IL1RAP: variants seen among roughly 807,000 people sequenced by gnomAD.
The protein encoded by IL1RAP is interleukin-1 receptor accessory protein.
Under a neutral mutation model 60.7 loss-of-function variants are expected in IL1RAP, and 35 were observed. The ratio of observed to expected loss-of-function variants is 0.58; its 90% CI spans 0.44 to 0.76. The LOEUF (loss-of-function observed/expected upper bound fraction) is 0.76, where lower values mean the gene tolerates loss of function less well. IL1RAP is among the 30% of genes least tolerant of loss of function. The pLI, the probability that IL1RAP is intolerant of heterozygous loss-of-function variation, is 0.00. For synonymous variants in IL1RAP, 268 were observed against 250.9 expected (o/e 1.07, Z -0.64); for missense variants, 572 against 693.9 (o/e 0.82, Z 1.97).
At chr3:190,521,003 G>A (rs796476487) in intron 1 of IL1RAP, among the ~76,000 whole-genome samples, 20 of 152,224 alleles carry the variant, frequency 1.3e-4, no homozygotes, top group African/African-American at 4.8e-4. Flanking sequence ...GAATTATTTG[G>A]TCTATCTTTG....
At chr3:190,556,292 G>A (rs1725423610) in intron 2 of IL1RAP, 76 bp downstream of exon 2, 1 of 151,720 alleles carries the variant, frequency 6.6e-6, no homozygotes, top group Non-Finnish European at 1.5e-5. Flanking sequence ...TACCCCTTCA[G>A]TTTCTTTCAA....
intron 7 of IL1RAP, among the ~76,000 whole-genome samples, chr3:190,624,183 C>A (rs145783418): frequency 6.6e-6 from 1 of 152,208 alleles, no homozygotes; most frequent in East Asian, 1.9e-4. Flanking sequence ...GCATCCCATG[C>A]GGGAACCATA....
chr3:190,554,489 C>T (rs1035182567), intron 1 of IL1RAP: 1 of 152,204 alleles, frequency 6.6e-6, no homozygotes, highest in African/African-American at 2.4e-5. Flanking sequence ...CTCAAAATAA[C>T]TTTGCTTAAT....
chr3:190,621,174 T>C (rs1232274532), intron 6 of IL1RAP, among the ~76,000 whole-genome samples: 1 of 152,186 alleles, frequency 6.6e-6, no homozygotes, highest in Non-Finnish European at 1.5e-5. Flanking sequence ...TACCCCATCT[T>C]TTAATAGATG....
rs183428240 is a variant in IL1RAP at position 190,543,553 on chromosome 3, C to T, written c.-88-12577C>T. Among the ~76,000 whole-genome samples the T allele has an allele frequency of 8.1e-4, 123 of 152,254 alleles. 1 individual carries two copies. Among genetic ancestry groups the T allele is most frequent in the Non-Finnish European group, 1.8e-4 (12 of 68,012 alleles). On this transcript the variant is annotated intron_variant, in intron 1 of 11. Coordinates refer to ENST00000447382, the MANE Select transcript of IL1RAP (RefSeq NM_002182.4). ...TTTAGGAAGAAGGTAGAAATTACAT[C>T]TGGCAGAGGGAAGCAGGGAGGTTTC... is the stretch of plus-strand genomic sequence containing the variant.
Position 190,629,443 on chromosome 3 carries a change from T to C in IL1RAP, c.996T>C (p.Cys332=). The C allele has an allele frequency of 6.2e-7, 1 of 1,613,776 alleles. No individual in the cohort carries two copies. The highest frequency in any genetic ancestry group is 8.5e-7 in the Non-Finnish European group (1 of 1,179,832). The change falls in exon 9 of 12, where the codon TGT becomes TGC. Residue 332 remains cysteine (C), a synonymous_variant. Coordinates refer to ENST00000447382, the MANE Select transcript of IL1RAP (RefSeq NM_002182.4). ...AGGATCTCAAGCGCAGCTATGTCTGTCATGCTAGAAGTGCCAAAGGCGAAG... is the reference window on the plus strand; with the variant it reads ...AGGATCTCAAGCGCAGCTATGTCTGCCATGCTAGAAGTGCCAAAGGCGAAG... ...TSEDLKRSYV[C]HARSAKGEVA...
rs185841598 is a variant in IL1RAP at position 190,552,863 on chromosome 3, G to C, written c.-88-3267G>C. On this transcript the variant is annotated intron_variant, in intron 1 of 11. Transcript: ENST00000447382. ...GGTCCAAGAAAAGGAAAACATAAAGGCCTTTTAAATATAACTATAACTTGG... is the reference window on the plus strand; with the variant it reads ...GGTCCAAGAAAAGGAAAACATAAAGCCCTTTTAAATATAACTATAACTTGG... Among the ~76,000 whole-genome samples the C allele has an allele frequency of 1.2e-4, 18 of 152,208 alleles. No individual in the cohort carries two copies. The East Asian group carries it at 3.5e-3, about 29-fold the overall frequency.
intron 1 of IL1RAP, among the ~76,000 whole-genome samples, chr3:190,535,999 T>G (rs368894734): frequency 8.5e-5 from 13 of 152,200 alleles, no homozygotes; most frequent in Admixed American, 2.6e-4. Flanking sequence ...ATTTTGAACA[T>G]GAATTATTTT....
rs1208197203 is a variant in IL1RAP at position 190,604,276 on chromosome 3, T to C, written c.213T>C (p.Tyr71=). ...AHSAGLTLIW[Y]WTRQDRDLEE... ...CAGCTGGCCTTACTCTGATCTGGTA[T>C]TGGACTAGGCAGGACCGGGACCTTG... Residue 71 remains tyrosine, a synonymous_variant, in exon 4 of 12, where the codon TAT becomes TAC. Coordinates refer to ENST00000447382, the MANE Select transcript of IL1RAP (RefSeq NM_002182.4). 1 of 1,614,064 alleles carries C rather than the reference T, an allele frequency of 6.2e-7. No individual in the cohort carries two copies. Among genetic ancestry groups the C allele is most frequent in the South Asian group, 1.1e-5 (1 of 91,068 alleles).
At chr3:190,582,675 C>T (rs1422269183) in intron 3 of IL1RAP, among the ~76,000 whole-genome samples, 1 of 152,172 alleles carries the variant, frequency 6.6e-6, no homozygotes, top group Non-Finnish European at 1.5e-5. Flanking sequence ...CACTTTTACT[C>T]TCTACAGTCC....
rs35913716 is a variant in IL1RAP at position 190,638,204 on chromosome 3, CT to C, written c.1052-6035del. Among the ~76,000 whole-genome samples, 64 of 151,234 alleles carry C rather than the reference CT, an allele frequency of 4.2e-4. No homozygotes were observed. The East Asian group carries it at 9.9e-3, about 23-fold the overall frequency. ...TTAGTTTTATCAGAAACTGTTAGAC[CT>C]TTTTTTTTCCCCAAGTGGCTGTATC... On this transcript the variant is annotated intron_variant, in intron 9 of 11. Coordinates refer to ENST00000447382, the MANE Select transcript of IL1RAP (RefSeq NM_002182.4).
chr3:190,541,934 C>T (rs1484847060), intron 1 of IL1RAP, among the ~76,000 whole-genome samples: 1 of 152,094 alleles, frequency 6.6e-6, no homozygotes, highest in South Asian at 2.1e-4. Context: ...GGGAAACTGA[C>T]TGAGAAAAAC....
chr3:190,583,400 G>A (rs1232425090), intron 3 of IL1RAP, among the ~76,000 whole-genome samples: 1 of 152,200 alleles, frequency 6.6e-6, no homozygotes, highest in Non-Finnish European at 1.5e-5. Context: ...ATGCCAGAGA[G>A]TTCTGAAGAA....
intron 2 of IL1RAP, among the ~76,000 whole-genome samples, chr3:190,558,273 G>A (rs1725595158): frequency 6.6e-6 from 1 of 152,114 alleles, no homozygotes; most frequent in South Asian, 2.1e-4. Context: ...TTGTATGAAA[G>A]TAAGTTTTCA....
At chr3:190,634,526 GGTTT>G (rs1733041252) in intron 9 of IL1RAP, among the ~76,000 whole-genome samples, 1 of 151,818 alleles carries the variant, frequency 6.6e-6, no homozygotes, top group Non-Finnish European at 1.5e-5. Context: ...GAAGGATATT[GGTTT>G]GTTTGGTTTG....
intron 9 of IL1RAP, among the ~76,000 whole-genome samples, chr3:190,642,990 T>C (rs1290264760): frequency 6.6e-6 from 1 of 152,238 alleles, no homozygotes; most frequent in Non-Finnish European, 1.5e-5. Flanking sequence ...AATAGACTTC[T>C]AAATATCCCA....
chr3:190,563,167 A>G (rs1577600571), intron 2 of IL1RAP, among the ~76,000 whole-genome samples: 1 of 152,302 alleles, frequency 6.6e-6, no homozygotes, highest in East Asian at 1.9e-4. Context: ...TTATTTATCA[A>G]ATACCTCTTT....
In IL1RAP at chr3:190,591,028, T is replaced by C. The variant is rs142416470; in HGVS notation, c.65-13100T>C. ...GCAGAATGAGAAGAATTTTTTAAAA[T>C]GTTGTAAAATCTCCCTTGTCGTCCA... On this transcript the variant is annotated intron_variant, in intron 3 of 11. Transcript: ENST00000447382. 9.2e-4 allele frequency among the ~76,000 whole-genome samples: 140 copies of C among 152,316 alleles called. 1 individual carries two copies. Among genetic ancestry groups the C allele is most frequent in the African/African-American group, 3.2e-3 (133 of 41,586 alleles).
intron 1 of IL1RAP, among the ~76,000 whole-genome samples, chr3:190,548,109 A>T (rs1724545153): frequency 6.6e-6 from 1 of 152,184 alleles, no homozygotes; most frequent in Non-Finnish European, 1.5e-5. Context: ...GATGCCTTGG[A>T]TCCATTCAAG....
Sources: gnomAD v4.1 joint callset for allele counts (sites outside exome capture counted in the v4.1 genomes callset) on GRCh38, gnomAD v4.1.1 for gene constraint, MANE v1.5 for transcripts, NCBI Gene and HGNC (gene_info 2026-07-23, HGNC 2026-07-21) for gene names.